Variants in AHCYL2 observed in about 807,000 individuals in gnomAD.
AHCYL2 encodes the protein adenosylhomocysteinase like 2.
Under a neutral mutation model 81.4 loss-of-function variants are expected in AHCYL2, and 28 were observed. That is an observed-to-expected ratio of 0.34 (90% confidence interval 0.25 to 0.47). The LOEUF (loss-of-function observed/expected upper bound fraction) is 0.47, where lower values mean the gene tolerates loss of function less well. Among genes scored for constraint, AHCYL2 ranks in the 20% least tolerant of loss-of-function variants. The pLI, the probability that AHCYL2 is intolerant of heterozygous loss-of-function variation, is 1.00. For missense variants in AHCYL2, 551 were observed against 785.1 expected (o/e 0.70, Z 3.56); for synonymous variants, 272 against 290.2 (o/e 0.94, Z 0.64).
chr7:129,410,887 G>T (rs1375427829), intron 11 of AHCYL2, among the ~76,000 whole-genome samples: 1 of 152,142 alleles, frequency 6.6e-6, no homozygotes, highest in Non-Finnish European at 1.5e-5. Context: ...GGGCAGAGAA[G>T]AGGGACCATA....
chr7:129,259,549 C>T (rs1349883452), intron 1 of AHCYL2, among the ~76,000 whole-genome samples: 2 of 152,110 alleles, frequency 1.3e-5, no homozygotes, highest in African/African-American at 2.4e-5. Context: ...AAGTACTGTA[C>T]TTGTTTACTA....
At chr7:129,410,255 A>G in intron 11 of AHCYL2, 1 of 1,613,934 alleles carries the variant, frequency 6.2e-7, no homozygotes, top group Non-Finnish European at 8.5e-7. Flanking sequence ...ACTGCCTCCT[A>G]CAACTTCCAC....
intron 1 of AHCYL2, among the ~76,000 whole-genome samples, chr7:129,349,043 G>A (rs1455858877): frequency 6.6e-6 from 1 of 152,148 alleles, no homozygotes; most frequent in African/African-American, 2.4e-5. Context: ...GACTCTGGCT[G>A]ACTTTTATTC....
intron 12 of AHCYL2, among the ~76,000 whole-genome samples, chr7:129,418,569 G>T (rs1796967268): frequency 6.6e-6 from 1 of 152,126 alleles, no homozygotes; most frequent in Admixed American, 6.5e-5. Context: ...GAAATGCTGG[G>T]ATTACAGGCA....
chr7:129,292,867 GAC>G (rs1315235718), intron 1 of AHCYL2, among the ~76,000 whole-genome samples: 1 of 152,158 alleles, frequency 6.6e-6, no homozygotes, highest in Non-Finnish European at 1.5e-5. Flanking sequence ...AGTTATTTGG[GAC>G]ACAGTTTTAT....
Position 129,225,094 on chromosome 7 carries a change from G to T in AHCYL2, c.18G>T (p.Val6=). Residue 6 remains valine, a synonymous_variant, in exon 1 of 17, where the codon GTG becomes GTT. Coordinates refer to ENST00000325006, the MANE Select transcript of AHCYL2 (RefSeq NM_015328.4). MSVQV[V]SAAAAAKVPE... is the part of the protein sequence containing the mutation. ...AGGCGGTGATGTCGGTGCAGGTTGTGTCAGCCGCGGCTGCCGCCAAGGTGC... is the reference window on the plus strand; with the variant it reads ...AGGCGGTGATGTCGGTGCAGGTTGTTTCAGCCGCGGCTGCCGCCAAGGTGC... 1 of 1,596,320 alleles carries T rather than the reference G, an allele frequency of 6.3e-7. No individual in the cohort carries two copies.
intron 4 of AHCYL2, among the ~76,000 whole-genome samples, chr7:129,395,309 C>T (rs1795673665): frequency 6.6e-6 from 1 of 152,178 alleles, no homozygotes; most frequent in African/African-American, 2.4e-5. Flanking sequence ...TGGGGCTAAG[C>T]ACACGGTGAG....
chr7:129,240,842 A>G (rs1490391423), intron 1 of AHCYL2, among the ~76,000 whole-genome samples: 2 of 152,064 alleles, frequency 1.3e-5, no homozygotes, highest in African/African-American at 4.8e-5. Flanking sequence ...GGGACCGAGG[A>G]ATGTAGGGGG....
intron 1 of AHCYL2, among the ~76,000 whole-genome samples, chr7:129,260,518 G>A (rs938952378): frequency 4.6e-5 from 7 of 152,082 alleles, no homozygotes. Context: ...AGTCGGCCAG[G>A]CCATTACTAC....
intron 1 of AHCYL2, among the ~76,000 whole-genome samples, chr7:129,375,235 T>G (rs973345766): frequency 6.6e-6 from 1 of 152,172 alleles, no homozygotes; most frequent in Admixed American, 6.5e-5. Flanking sequence ...GAAAATTGAT[T>G]TCCTTGGTGA....
At chr7:129,369,735 G>A (rs865965922) in intron 1 of AHCYL2, among the ~76,000 whole-genome samples, 23 of 151,852 alleles carry the variant, frequency 1.5e-4, no homozygotes, top group African/African-American at 5.1e-4. Flanking sequence ...TATTTTTGGT[G>A]GAGATGGGGT....
chr7:129,367,362 C>T (rs759139519), intron 1 of AHCYL2, among the ~76,000 whole-genome samples: 1 of 152,142 alleles, frequency 6.6e-6, no homozygotes, highest in Non-Finnish European at 1.5e-5. Flanking sequence ...CTGTGGTACT[C>T]TTATTGGATA....
chr7:129,307,491 C>G (rs533681785), intron 1 of AHCYL2, among the ~76,000 whole-genome samples: 24 of 151,990 alleles, frequency 1.6e-4, no homozygotes, highest in African/African-American at 5.8e-4. Context: ...AGAACTCACC[C>G]TTCAGGGCAG....
chr7:129,259,603 G>T (rs946635054), intron 1 of AHCYL2, among the ~76,000 whole-genome samples: 3 of 152,136 alleles, frequency 2.0e-5, no homozygotes, highest in Non-Finnish European at 4.4e-5. Context: ...GCTTGTAAGC[G>T]AGAAGCTTAA....
intron 1 of AHCYL2, among the ~76,000 whole-genome samples, chr7:129,254,868 AGAATTT>A (rs1408356127): frequency 2.0e-5 from 3 of 152,266 alleles, no homozygotes; most frequent in Non-Finnish European, 4.4e-5. Context: ...AAAAGTGGTG[AGAATTT>A]GAATAGTTTT....
intron 1 of AHCYL2, among the ~76,000 whole-genome samples, chr7:129,365,893 C>T (rs1488822630): frequency 1.3e-5 from 2 of 150,750 alleles, no homozygotes; most frequent in Non-Finnish European, 3.0e-5. Flanking sequence ...TGGAGGGGGG[C>T]GGGAAAGGAA....
chr7:129,370,491 G>A (rs756105684), intron 1 of AHCYL2, among the ~76,000 whole-genome samples: 25 of 152,204 alleles, frequency 1.6e-4, no homozygotes, highest in African/African-American at 5.5e-4. Flanking sequence ...GAGGTCAGGA[G>A]ATCAAGATCA....
chr7:129,397,128 G>A (rs1340657720), intron 4 of AHCYL2, 94 bp from the exon 5 acceptor site: 9 of 1,067,166 alleles, frequency 8.4e-6, no homozygotes, highest in Admixed American at 2.6e-5. Context: ...AGTCATTCCC[G>A]TTGTATTTTC....
At chr7:129,313,349 G>C (rs1266325752) in intron 1 of AHCYL2, among the ~76,000 whole-genome samples, 1 of 152,204 alleles carries the variant, frequency 6.6e-6, no homozygotes, top group African/African-American at 2.4e-5. Flanking sequence ...AGTTTGAAAT[G>C]TTAGAAGCAT....
Sources: gnomAD v4.1 joint callset for allele counts (sites outside exome capture counted in the v4.1 genomes callset) on GRCh38, gnomAD v4.1.1 for gene constraint, MANE v1.5 for transcripts, NCBI Gene and HGNC (gene_info 2026-07-23, HGNC 2026-07-21) for gene names.